Variants in SULF1 observed in about 807,000 individuals in gnomAD.
SULF1 encodes the protein sulfatase 1, also known as extracellular sulfatase Sulf-1.
In SULF1, 46 loss-of-function variants were observed where a neutral mutation model predicts 110.5. The ratio of observed to expected loss-of-function variants is 0.42; its 90% confidence interval spans 0.33 to 0.53. The LOEUF (loss-of-function observed/expected upper bound fraction) is 0.53. SULF1 is among the 20% of genes least tolerant of loss of function. The probability of loss-of-function intolerance (pLI) is 0.12; values close to 1 mark genes in which losing one functional copy is unlikely to be tolerated. For missense variants in SULF1, 941 were observed against 1,094.2 expected, an observed-to-expected ratio of 0.86 and a Z score of 1.98; for synonymous variants, 371 against 387.1, an observed-to-expected ratio of 0.96 and a Z score of 0.49.
At position 69,658,715 on chromosome 8, in the gene SULF1, CAAAT is replaced by C. The variant is rs112665345; in HGVS notation, c.*183_*186del. Reference sequence around the variant, plus strand: ...AAGAGTCACTATGAGCAAAATAAAACAAATAAGACTCAAACTGCTCAAAGTGACG... The same window carrying C: ...AAGAGTCACTATGAGCAAAATAAAACAAGACTCAAACTGCTCAAAGTGACG... On this transcript the variant is annotated 3_prime_UTR_variant, in exon 23 of 23. Transcript: ENST00000402687. 1.9e-5 allele frequency: 13 copies of C among 695,104 alleles called. No individual in the cohort carries two copies. The highest frequency in any genetic ancestry group is 6.1e-5 in the Admixed American group (3 of 49,498). 43.1% of individuals were successfully genotyped at this position (695,104 alleles called of 1,614,324 possible).
chr8:69,621,480 C>T (rs527449345), intron 14 of SULF1, among the ~76,000 whole-genome samples: 2 of 152,266 alleles, frequency 1.3e-5, no homozygotes, highest in African/African-American at 2.4e-5. Flanking sequence ...TTCATAAAAG[C>T]ACCAGATGCA....
rs145414377 is a variant in SULF1, at chr8:69,544,967, G to T, written c.-133-18572G>T. On this transcript the variant is annotated intron_variant, in intron 3 of 22. Coordinates refer to ENST00000402687, the MANE Select transcript of SULF1 (RefSeq NM_001128205.2). ...AACTCAGGTAGAGTCCAGGTAGATT[G>T]CATGTGTGAAGATTCTAGGCTTTTC... 2.9e-3 allele frequency among the ~76,000 whole-genome samples: 434 copies of T among 152,228 alleles called. 3 individuals are homozygous for T. The highest frequency in any genetic ancestry group is 1.0e-2 in the African/African-American group (414 of 41,538).
In SULF1 at chr8:69,475,050, G is replaced by A. The variant is rs189946095; in HGVS notation, c.-391+8100G>A. ...TGACACAATTTGGAAATATAATGAA[G>A]GTGGCCACTTGGCAAAGAAGAGAAA... On this transcript the variant is annotated intron_variant, in intron 1 of 22. Coordinates refer to the SULF1 transcript ENST00000260128. Among the ~76,000 whole-genome samples the A allele has an allele frequency of 5.9e-5, 9 of 152,034 alleles. No homozygotes were observed. In the East Asian group the frequency reaches 1.7e-3, roughly 29 times the overall value.
chr8:69,641,120 AG>A (rs766167000), intron 22 of SULF1: 12 of 331,622 alleles, frequency 3.6e-5, no homozygotes, highest in Non-Finnish European at 5.4e-5. Context: ...AATGATGTGA[AG>A]GAAAAAAAAC....
At chr8:69,565,323 G>C (rs540739524) in intron 5 of SULF1, among the ~76,000 whole-genome samples, 178 of 152,158 alleles carry the variant, frequency 1.2e-3, no homozygotes, top group African/African-American at 4.0e-3. Context: ...TATGATGTTA[G>C]TATGTATGTA....
intron 3 of SULF1, among the ~76,000 whole-genome samples, chr8:69,516,191 C>A (rs114475102): frequency 6.6e-6 from 1 of 152,000 alleles, no homozygotes; most frequent in African/African-American, 2.4e-5. Context: ...AAGAACTACC[C>A]GAGACTGAGT....
At chr8:69,575,864 G>A in intron 5 of SULF1, 106 bp from the exon 6 acceptor site, 2 of 1,363,498 alleles carry the variant, frequency 1.5e-6, no homozygotes, top group Non-Finnish European at 2.0e-6. Flanking sequence ...TTAAGCTAAG[G>A]AAAGGAAATG....
In SULF1 at chr8:69,651,051, C is replaced by CTTTTTTTT. The variant is rs111556401; in HGVS notation, c.2586-7450_2586-7449insTTTTTTTT. Among the ~76,000 whole-genome samples the CTTTTTTTT allele has an allele frequency of 2.2e-4, 29 of 134,160 alleles. 5 individuals carry two copies. The highest frequency in any genetic ancestry group is 3.0e-4 in the Admixed American group (4 of 13,400). 88.0% of individuals were successfully genotyped at this position (134,160 alleles called of 152,430 possible). On this transcript the variant is annotated intron_variant, in intron 22 of 22. Transcript: ENST00000402687. ...TCTATCAACATCTATTCTTTTTTTTCTTTTCTTTTTTTTTTTTTTTGAGAC... is the reference window on the plus strand; with the variant it reads ...TCTATCAACATCTATTCTTTTTTTTCTTTTTTTTTTTTCTTTTTTTTTTTTTTTGAGAC...
At chr8:69,580,999 T>G (rs1033312614) in intron 6 of SULF1, among the ~76,000 whole-genome samples, 1 of 152,210 alleles carries the variant, frequency 6.6e-6, no homozygotes, top group Non-Finnish European at 1.5e-5. Context: ...TTTATTATGA[T>G]GTAGATTCTT....
chr8:69,631,018 T>C (rs948808645), intron 19 of SULF1, among the ~76,000 whole-genome samples: 1 of 150,522 alleles, frequency 6.6e-6, no homozygotes, highest in African/African-American at 2.4e-5. Flanking sequence ...TCTTCCTGTG[T>C]CAACATTTTT....
At chr8:69,562,816 A>G (rs1586410128) in intron 3 of SULF1, 1 of 153,096 alleles carries the variant, frequency 6.5e-6, no homozygotes, top group East Asian at 1.9e-4. Flanking sequence ...CCCCTGTGCT[A>G]TCTGTGCCTT....
chr8:69,604,668 G>C, intron 12 of SULF1, 135 bp from the exon 13 acceptor site: 5 of 1,144,524 alleles, frequency 4.4e-6, no homozygotes, highest in Non-Finnish European at 6.2e-6. Context: ...CCTGTAGACA[G>C]AGCTTTAACA....
intron 2 of SULF1, among the ~76,000 whole-genome samples, chr8:69,500,768 C>T (rs901916739): frequency 4.6e-5 from 7 of 152,190 alleles, no homozygotes; most frequent in African/African-American, 1.7e-4. Flanking sequence ...GTGAGGTGGG[C>T]CACATTGCAG....
At chr8:69,632,411 A>G (rs745960021) in intron 19 of SULF1, among the ~76,000 whole-genome samples, 1 of 152,218 alleles carries the variant, frequency 6.6e-6, no homozygotes, top group Admixed American at 6.5e-5. Flanking sequence ...TATATATACT[A>G]AAGTAAAAAT....
At chr8:69,634,350 C>T (rs952778449) in intron 19 of SULF1, among the ~76,000 whole-genome samples, 1 of 152,188 alleles carries the variant, frequency 6.6e-6, no homozygotes, top group Non-Finnish European at 1.5e-5. Context: ...CATTAGGTGA[C>T]ATTCCTAGAA....
chr8:69,554,733 A>G (rs1360538541), intron 3 of SULF1, among the ~76,000 whole-genome samples: 1 of 152,206 alleles, frequency 6.6e-6, no homozygotes, highest in Middle Eastern at 3.4e-3. Context: ...TAATCCTAGC[A>G]CTTTGGGAGG....
At chr8:69,576,307 C>T (rs1033038823) in intron 6 of SULF1, 98 bp downstream of exon 6, 3 of 1,403,818 alleles carry the variant, frequency 2.1e-6, no homozygotes, top group African/African-American at 1.4e-5. Flanking sequence ...CCAACAAATA[C>T]CTAAAAAAGG....
chr8:69,643,999 G>T (rs1055402869), intron 22 of SULF1, among the ~76,000 whole-genome samples: 3 of 152,224 alleles, frequency 2.0e-5, no homozygotes, highest in African/African-American at 7.2e-5. Context: ...TGTCCCGGGG[G>T]TGTGTGGGGC....
chr8:69,563,624 G>T lies in SULF1; in HGVS notation c.-61+13G>T, dbSNP rs1042407800. 4.8e-6 allele frequency: 1 copy of T among 206,190 alleles called. No homozygotes were observed. Among genetic ancestry groups the T allele is most frequent in the Non-Finnish European group, 9.9e-6 (1 of 101,294 alleles). The allele number at this position is 206,190 out of a possible 1,614,324, so 12.8% of individuals were successfully genotyped here. A position where few individuals can be genotyped will look rare whatever the true frequency, so the allele number is the denominator to read the frequency against. On this transcript the variant is annotated intron_variant, in intron 4 of 22. Coordinates refer to ENST00000402687, the MANE Select transcript of SULF1 (RefSeq NM_001128205.2). ...TACCTAATTCAAGGTATTAGCTCTCGTCAGAAAGCTTTTACATTTGAGCTC... is the reference window on the plus strand; with the variant it reads ...TACCTAATTCAAGGTATTAGCTCTCTTCAGAAAGCTTTTACATTTGAGCTC...
Sources: gnomAD v4.1 joint callset for allele counts (sites outside exome capture counted in the v4.1 genomes callset) on GRCh38, gnomAD v4.1.1 for gene constraint, MANE v1.5 for transcripts, NCBI Gene and HGNC (gene_info 2026-07-23, HGNC 2026-07-21) for gene names.